The following ATP10A variants were observed in gnomAD, a reference collection of about 807,000 sequenced individuals.
ATP10A encodes the protein phospholipid-transporting ATPase VA.
ATP10A carries 111 observed loss-of-function variants against 147.8 expected under a neutral mutation model. The ratio of observed to expected loss-of-function variants is 0.75; its 90% confidence interval spans 0.64 to 0.88. ATP10A has a LOEUF of 0.88. Ranked by LOEUF, ATP10A falls within the 40% of genes least tolerant of loss-of-function variation. ATP10A has a pLI of 0.00. For synonymous variants in ATP10A, 875 were observed against 841.6 expected (o/e 1.04, Z -0.69); for missense variants, 1,927 against 1,959.0 (o/e 0.98, Z 0.31).
intron 1 of ATP10A, among the ~76,000 whole-genome samples, chr15:25,823,134 G>C (rs892064645): frequency 6.6e-6 from 1 of 151,820 alleles, no homozygotes; most frequent in Non-Finnish European, 1.5e-5. Flanking sequence ...CTGGGGTTTG[G>C]GCTTGGAAAG....
rs199978378 is a variant in ATP10A at position 25,679,761 on chromosome 15, C to T, written c.4080G>A (p.Pro1360=). The change falls in exon 21 of 21, where the codon CCG becomes CCA. Residue 1360 remains proline, a synonymous_variant. Coordinates refer to ENST00000555815, the MANE Select transcript of ATP10A (RefSeq NM_024490.4). ...CCCCGCTGGCCTCCAGGGAGCAGACCGGCTGCTGTGTGTGCCAAGAAGGCT... is the reference window on the plus strand; with the variant it reads ...CCCCGCTGGCCTCCAGGGAGCAGACTGGCTGCTGTGTGTGCCAAGAAGGCT... ...LSQPSWHTQQ[P]VCSLEASGEP... is the part of the protein sequence containing the mutation. 9.7e-5 allele frequency: 157 copies of T among 1,613,078 alleles called. No individual in the cohort carries two copies. The highest frequency in any genetic ancestry group is 2.8e-5 in the Non-Finnish European group (33 of 1,179,966).
rs9324127 is a variant in ATP10A, at chr15:25,679,651, G to T, written c.4190C>A (p.Ala1397Glu). The T allele has an allele frequency of 1.9e-6, 3 of 1,613,278 alleles. No individual in the cohort carries two copies. The highest frequency in any genetic ancestry group is 2.5e-6 in the Non-Finnish European group (3 of 1,179,990). ...GLSAPAPMSS[A>E]PGEAVLRSPG... ...ACTCCTCAGGACAGCCTCCCCTGGC[G>T]CAGAGGACATGGGGGCCGGTGCGCT... Residue 1397 changes from alanine to glutamate, a missense_variant, in exon 21 of 21, where the codon GCG (alanine) becomes GAG (glutamate). Physicochemically the swap from Ala to Glu is moderately radical, Grantham distance 107 (BLOSUM62 -1). Coordinates refer to ENST00000555815, the MANE Select transcript of ATP10A (RefSeq NM_024490.4).
At chr15:25,723,867 T>C (rs1902392388) in intron 6 of ATP10A, 24 bp downstream of exon 6, 3 of 1,530,208 alleles carry the variant, frequency 2.0e-6, no homozygotes, top group South Asian at 2.6e-5. Context: ...AAAGCAATTA[T>C]TGTACGATAC....
At chr15:25,863,909 C>A (rs767416803), upstream of ATP10A, among the ~76,000 whole-genome samples, 64 of 152,216 alleles carry the variant, frequency 4.2e-4, no homozygotes, top group Non-Finnish European at 1.8e-4. Context: ...TCATTACTGC[C>A]TTTCCTTCCT....
chr15:25,803,139 C>T (rs1054666893), intron 1 of ATP10A, among the ~76,000 whole-genome samples: 3 of 152,114 alleles, frequency 2.0e-5, no homozygotes, highest in Non-Finnish European at 1.5e-5. Context: ...GTAGCAATCT[C>T]GGCACCTGCG....
intron 1 of ATP10A, among the ~76,000 whole-genome samples, chr15:25,834,106 C>T (rs1459991732): frequency 6.6e-6 from 1 of 152,124 alleles, no homozygotes; most frequent in Non-Finnish European, 1.5e-5. Flanking sequence ...CATTACTCCA[C>T]AATGTATATA....
At chr15:25,819,387 C>A (rs896957759) in intron 1 of ATP10A, among the ~76,000 whole-genome samples, 1 of 152,086 alleles carries the variant, frequency 6.6e-6, no homozygotes, top group African/African-American at 2.4e-5. Context: ...CTCCTTACAC[C>A]AACCAGAATG....
chr15:25,846,430 T>C (rs561190505), intron 1 of ATP10A, among the ~76,000 whole-genome samples: 1 of 152,290 alleles, frequency 6.6e-6, no homozygotes, highest in South Asian at 2.1e-4. Flanking sequence ...AGTGTGACAG[T>C]GACAAGCCCC....
intron 1 of ATP10A, among the ~76,000 whole-genome samples, chr15:25,829,885 G>A (rs1192390267): frequency 1.3e-5 from 2 of 152,238 alleles, no homozygotes; most frequent in Non-Finnish European, 2.9e-5. Context: ...TCCCAGGGAA[G>A]GGAAGACAGT....
intron 8 of ATP10A, among the ~76,000 whole-genome samples, chr15:25,717,484 G>A (rs1461392826): frequency 1.3e-5 from 2 of 152,158 alleles, no homozygotes; most frequent in Non-Finnish European, 2.9e-5. Context: ...GAAAAATGCT[G>A]TCAGGAAACC....
chr15:25,799,393 A>G (rs546844796), intron 1 of ATP10A, among the ~76,000 whole-genome samples: 29 of 152,238 alleles, frequency 1.9e-4, no homozygotes, highest in African/African-American at 7.0e-4. Flanking sequence ...GCTTCTGGGA[A>G]TTTACAGCCT....
chr15:25,756,916 T>A (rs1476646806), intron 2 of ATP10A, among the ~76,000 whole-genome samples: 1 of 152,234 alleles, frequency 6.6e-6, no homozygotes, highest in Non-Finnish European at 1.5e-5. Context: ...CTTGAGATGA[T>A]GGCTAGTTTA....
intron 1 of ATP10A, among the ~76,000 whole-genome samples, chr15:25,842,150 C>T (rs34894346): frequency 0.11 from 16,953 of 152,282 alleles, 1,171 homozygotes; most frequent in Middle Eastern, 0.17. Context: ...CAGCATCAGG[C>T]TGTCCACTGG....
intron 1 of ATP10A, among the ~76,000 whole-genome samples, chr15:25,852,011 T>C (rs976212066): frequency 2.6e-5 from 4 of 152,230 alleles, no homozygotes; most frequent in African/African-American, 9.6e-5. Context: ...GAGTTGCAAC[T>C]AAACTTTTCA....
At chr15:25,766,743 C>T (rs772998273) in intron 2 of ATP10A, among the ~76,000 whole-genome samples, 5 of 152,122 alleles carry the variant, frequency 3.3e-5, no homozygotes, top group East Asian at 3.9e-4. Context: ...GTGTCTGTGC[C>T]GCCTGCAAGC....
At chr15:25,765,602 G>A (rs755873675) in intron 2 of ATP10A, among the ~76,000 whole-genome samples, 21 of 152,294 alleles carry the variant, frequency 1.4e-4, no homozygotes, top group African/African-American at 5.1e-4. Context: ...AAAGATCATT[G>A]AGACGCAGCT....
At chr15:25,690,498 C>T (rs190954404) in intron 15 of ATP10A, among the ~76,000 whole-genome samples, 69 of 152,302 alleles carry the variant, frequency 4.5e-4, no homozygotes, top group African/African-American at 1.4e-3. Context: ...TCTTGTCCTT[C>T]CAAAGTACTG....
At chr15:25,681,177 A>G (rs1251316186) in intron 17 of ATP10A, 103 bp from the exon 18 acceptor site, 3 of 1,164,292 alleles carry the variant, frequency 2.6e-6, no homozygotes, top group Non-Finnish European at 3.5e-6. Context: ...AACAACAACA[A>G]TAACAACAAA....
At chr15:25,786,134 G>A (rs568808486) in intron 1 of ATP10A, among the ~76,000 whole-genome samples, 8 of 152,198 alleles carry the variant, frequency 5.3e-5, no homozygotes, top group South Asian at 2.1e-4. Context: ...GTGCCCAGGC[G>A]GGGAAGCTGG....
Sources: allele counts gnomAD v4.1 joint callset (sites outside exome capture counted in the v4.1 genomes callset), GRCh38; gene constraint gnomAD v4.1.1; transcripts MANE v1.5; gene names NCBI Gene and HGNC (gene_info 2026-07-23, HGNC 2026-07-21).